The following POMK variants were observed in gnomAD, a reference collection of about 807,000 sequenced individuals.
POMK encodes the protein Sugen kinase 196.
Under a neutral mutation model 23.0 loss-of-function variants are expected in POMK, and 19 were observed. The ratio of observed to expected loss-of-function variants is 0.83; its 90% confidence interval spans 0.58 to 1.21. The LOEUF (loss-of-function observed/expected upper bound fraction) is 1.21, where lower values mean the gene tolerates loss of function less well. Ranked by LOEUF, POMK falls within the 50% of genes most tolerant of loss-of-function variation. The pLI is 0.00. For missense variants in POMK, 410 were observed against 431.3 expected (o/e 0.95, Z 0.44); for synonymous variants, 173 against 171.6 (o/e 1.01, Z -0.06).
chr8:43,099,094 A>G (rs1453570727), intron 2 of POMK, among the ~76,000 whole-genome samples: 5 of 152,176 alleles, frequency 3.3e-5, no homozygotes, highest in Admixed American at 3.3e-4. Context: ...CTATAGGCAC[A>G]GGCCAACATG....
At chr8:43,116,731 T>C (rs1296899798) in intron 4 of POMK, among the ~76,000 whole-genome samples, 1 of 152,246 alleles carries the variant, frequency 6.6e-6, no homozygotes, top group Non-Finnish European at 1.5e-5. Flanking sequence ...AAAAGCCTAC[T>C]ACTGATATCA....
rs532248294 is a variant in POMK, at chr8:43,112,452, G to A, written c.282+8622G>A. On this transcript the variant is annotated intron_variant, in intron 4 of 4. Transcript: ENST00000331373. ...TCTACGTCTGATTGGTGTACCTGAA[G>A]GTGACGGGGAGAATGGAACCAAGTT... 1.3e-3 allele frequency among the ~76,000 whole-genome samples: 201 copies of A among 152,078 alleles called. 1 individual carries two copies. The highest frequency in any genetic ancestry group is 0.011 in the South Asian group (52 of 4,808).
At chr8:43,121,114 AT>A (rs952765790) in intron 4 of POMK, among the ~76,000 whole-genome samples, 3 of 152,230 alleles carry the variant, frequency 2.0e-5, no homozygotes, top group African/African-American at 4.8e-5. Context: ...CTTCTTACCT[AT>A]TTCCGATTAT....
chr8:43,115,449 A>C (rs1170932792), intron 4 of POMK, among the ~76,000 whole-genome samples: 1 of 152,106 alleles, frequency 6.6e-6, no homozygotes, highest in Non-Finnish European at 1.5e-5. Context: ...TCCTAACTCC[A>C]TCAGTCCTGC....
intron 4 of POMK, among the ~76,000 whole-genome samples, chr8:43,113,626 C>T (rs571174504): frequency 8.5e-5 from 13 of 152,346 alleles, no homozygotes; most frequent in South Asian, 2.1e-4. Flanking sequence ...AGTCATTCTC[C>T]GTCCAGCTTT....
chr8:43,096,139 C>T (rs1423286897), intron 1 of POMK, among the ~76,000 whole-genome samples: 1 of 152,168 alleles, frequency 6.6e-6, no homozygotes, highest in Non-Finnish European at 1.5e-5. Flanking sequence ...GACAGGCAGG[C>T]AGGCTTCTTG....
In POMK at chr8:43,102,453, T is replaced by G. The variant is rs1811463349; in HGVS notation, c.-117-52T>G. The G allele has an allele frequency of 1.3e-5, 2 of 152,416 alleles. 1 individual carries two copies. Among genetic ancestry groups the G allele is most frequent in the Non-Finnish European group, 2.9e-5 (2 of 68,202 alleles). 9.4% of individuals were successfully genotyped at this position (152,416 alleles called of 1,614,324 possible). On this transcript the variant is annotated intron_variant, in intron 2 of 4. Transcript: ENST00000331373. The stretch of plus-strand genomic sequence containing the variant: ...TTTGGACTATGGCGATTTGTCTGGG[T>G]ACATAGCTGCAGTTTCTGTTTACAC...
intron 4 of POMK, among the ~76,000 whole-genome samples, chr8:43,119,105 C>T (rs1361701505): frequency 2.6e-5 from 4 of 152,168 alleles, no homozygotes; most frequent in Admixed American, 1.3e-4. Context: ...GCCACTGCGG[C>T]CGGCCCCCCA....
chr8:43,105,685 A>G (rs1423914680), intron 4 of POMK, among the ~76,000 whole-genome samples: 2 of 152,116 alleles, frequency 1.3e-5, no homozygotes, highest in East Asian at 1.9e-4. Context: ...GTTTTTTGAG[A>G]CGGAGTTTCC....
chr8:43,103,251 A>T (rs1215413930), intron 3 of POMK, among the ~76,000 whole-genome samples: 1 of 152,216 alleles, frequency 6.6e-6, no homozygotes, highest in Non-Finnish European at 1.5e-5. Context: ...TATTTAATGC[A>T]TGCTACTGTG....
At chr8:43,118,650 A>G (rs1466862131) in intron 4 of POMK, among the ~76,000 whole-genome samples, 2 of 152,248 alleles carry the variant, frequency 1.3e-5, no homozygotes, top group Non-Finnish European at 2.9e-5. Flanking sequence ...AATTTTTTAT[A>G]TTGGAGGATT....
chr8:43,121,626 CT>C (rs943694119), intron 4 of POMK, among the ~76,000 whole-genome samples: 1 of 152,256 alleles, frequency 6.6e-6, no homozygotes, highest in Non-Finnish European at 1.5e-5. Flanking sequence ...GGTCTCCACA[CT>C]TACCCACTTT....
At chr8:43,107,594 C>T (rs758652282) in intron 4 of POMK, among the ~76,000 whole-genome samples, 10 of 151,990 alleles carry the variant, frequency 6.6e-5, no homozygotes, top group Admixed American at 3.3e-4. Flanking sequence ...AGGCTGGTCT[C>T]GAACTCCTGA....
intron 4 of POMK, among the ~76,000 whole-genome samples, chr8:43,105,755 C>G (rs1203390343): frequency 2.0e-5 from 3 of 152,184 alleles, no homozygotes; most frequent in East Asian, 1.9e-4. Flanking sequence ...ACCTCCACTT[C>G]TGGGTTCAAG....
chr8:43,115,042 T>C (rs750138578), intron 4 of POMK, among the ~76,000 whole-genome samples: 1 of 152,216 alleles, frequency 6.6e-6, no homozygotes, highest in Non-Finnish European at 1.5e-5. Flanking sequence ...GTGGATTTGA[T>C]TCTTTCTCTT....
chr8:43,105,080 C>T (rs887610468), intron 4 of POMK, among the ~76,000 whole-genome samples: 1 of 152,012 alleles, frequency 6.6e-6, no homozygotes, highest in Non-Finnish European at 1.5e-5. Context: ...AATAATTATC[C>T]ATATTTATGG....
chr8:43,117,408 G>A (rs563401894), intron 4 of POMK, among the ~76,000 whole-genome samples: 10 of 152,282 alleles, frequency 6.6e-5, no homozygotes, highest in South Asian at 4.1e-4. Context: ...CATCGCAAAC[G>A]TCTTTATCCT....
chr8:43,094,571 A>G (rs563864808), intron 1 of POMK, among the ~76,000 whole-genome samples: 2 of 152,150 alleles, frequency 1.3e-5, no homozygotes, highest in South Asian at 2.1e-4. Flanking sequence ...TGCCTTTGCT[A>G]TAGAACCTTA....
chr8:43,108,431 A>G (rs1463257868), intron 4 of POMK, among the ~76,000 whole-genome samples: 1 of 152,250 alleles, frequency 6.6e-6, no homozygotes, highest in Non-Finnish European at 1.5e-5. Flanking sequence ...AATACTCACA[A>G]ATAGTTTTTA....
Sources: allele counts gnomAD v4.1 joint callset (sites outside exome capture counted in the v4.1 genomes callset), GRCh38; gene constraint gnomAD v4.1.1; transcripts MANE v1.5; gene names NCBI Gene and HGNC (gene_info 2026-07-23, HGNC 2026-07-21).